CEP290: variants seen among roughly 807,000 people sequenced by gnomAD.
The protein encoded by CEP290 is centrosomal protein 290.
In CEP290, 317 loss-of-function variants were observed where a neutral mutation model predicts 344.9. The observed-to-expected ratio is 0.92, with a 90% CI of 0.84 to 1.01. CEP290 has a LOEUF of 1.01. Among genes scored for constraint, CEP290 ranks in the 50% least tolerant of loss-of-function variants. The pLI is 0.00. For missense variants in CEP290, 2,754 were observed against 2,761.4 expected, an observed-to-expected ratio of 1.00 and a Z score of 0.06; for synonymous variants, 932 against 895.8, an observed-to-expected ratio of 1.04 and a Z score of -0.72.
At chr12:88,061,864 C>T (rs1219313697) in intron 46 of CEP290, among the ~76,000 whole-genome samples, 4 of 151,896 alleles carry the variant, frequency 2.6e-5, no homozygotes, top group African/African-American at 9.7e-5. Flanking sequence ...CTGTAACCTC[C>T]GCCTGCCAGG....
intron 41 of CEP290, 134 bp downstream of exon 41, chr12:88,077,088 G>A (rs1057139414): frequency 3.7e-5 from 30 of 804,974 alleles, no homozygotes; most frequent in Non-Finnish European, 5.5e-5. Flanking sequence ...ACTGCTTATA[G>A]TCCTCAAAAT....
In CEP290 at chr12:88,135,499, CTA is replaced by C. The variant is rs553797546; in HGVS notation, c.441+1142_441+1143del. Among the ~76,000 whole-genome samples the C allele has an allele frequency of 6.5e-3, 985 of 152,240 alleles. 7 individuals carry two copies. The highest frequency in any genetic ancestry group is 8.6e-3 in the Non-Finnish European group (585 of 67,976). On this transcript the variant is annotated intron_variant, in intron 6 of 53. Coordinates refer to ENST00000552810, the MANE Select transcript of CEP290 (RefSeq NM_025114.4). ...GACTATTAAAAAATCCACATGTCTG[CTA>C]TGTTTTGCAGTTAGCTAAACAGATA...
chr12:88,065,936 C>T (rs2034889792), intron 44 of CEP290, among the ~76,000 whole-genome samples: 1 of 152,132 alleles, frequency 6.6e-6, no homozygotes, highest in Non-Finnish European at 1.5e-5. Context: ...ACGAGACTTC[C>T]AAACTCTTAC....
intron 34 of CEP290, among the ~76,000 whole-genome samples, chr12:88,085,456 A>G (rs1318079578): frequency 1.3e-5 from 2 of 152,100 alleles, no homozygotes; most frequent in Non-Finnish European, 1.5e-5. Context: ...ATGATTAAAA[A>G]TGTACAGTTT....
intron 11 of CEP290, among the ~76,000 whole-genome samples, chr12:88,126,876 T>C (rs550549329): frequency 1.3e-5 from 2 of 152,044 alleles, no homozygotes; most frequent in African/African-American, 4.8e-5. Flanking sequence ...AAAAGGTTTA[T>C]CCTAAATCAA....
intron 11 of CEP290, among the ~76,000 whole-genome samples, 169 bp from the exon 12 acceptor site, chr12:88,126,607 A>G (rs1240449846): frequency 6.6e-6 from 1 of 152,126 alleles, no homozygotes; most frequent in Non-Finnish European, 1.5e-5. Context: ...CCTTTTGTAT[A>G]TACAACCTGA....
At chr12:88,079,573 A>T (rs2036038470) in intron 38 of CEP290, among the ~76,000 whole-genome samples, 1 of 152,186 alleles carries the variant, frequency 6.6e-6, no homozygotes, top group Non-Finnish European at 1.5e-5. Context: ...CTTCCATATG[A>T]AATTAATTGA....
intron 34 of CEP290, among the ~76,000 whole-genome samples, chr12:88,085,344 C>G (rs1565837414): frequency 6.6e-6 from 1 of 151,912 alleles, no homozygotes; most frequent in Non-Finnish European, 1.5e-5. Flanking sequence ...AATTTTTACT[C>G]TTCAAGAGGA....
intron 17 of CEP290, among the ~76,000 whole-genome samples, chr12:88,118,008 C>T (rs1460971645): frequency 1.3e-5 from 2 of 151,766 alleles, no homozygotes; most frequent in African/African-American, 4.8e-5. Context: ...GCACTCCAGC[C>T]TGGGCAATAG....
rs753059143 is a variant in CEP290 at position 88,086,118 on chromosome 12, A to G, written c.4358T>C (p.Leu1453Pro). The G allele has an allele frequency of 4.3e-6, 7 of 1,613,172 alleles. No individual in the cohort carries two copies. The Admixed American group carries it at 5.0e-5, about 12-fold the overall frequency. ...CTTAATTTTCCTTAGAGCGATCTCA[A>G]GTTGATTTGGAAGGGGCAAACTAGG... The part of the protein sequence containing the change: ...PDPSLPLPNQ[L>P]EIALRKIKEN... Residue 1453 changes from leucine (L) to proline (P), a missense_variant, in exon 34 of 54, where the codon CTT (leucine) becomes CCT (proline). Coordinates refer to ENST00000552810, the MANE Select transcript of CEP290 (RefSeq NM_025114.4).
intron 30 of CEP290, 25 bp downstream of exon 30, chr12:88,090,703 G>T: frequency 1.5e-6 from 2 of 1,340,140 alleles, no homozygotes; most frequent in Non-Finnish European, 2.1e-6. Flanking sequence ...TGGATTCTAT[G>T]TAGAAGAGCC....
chr12:88,064,785 G>A (rs2034773894), intron 44 of CEP290, among the ~76,000 whole-genome samples: 1 of 152,030 alleles, frequency 6.6e-6, no homozygotes, highest in South Asian at 2.1e-4. Flanking sequence ...CTTGATTTTG[G>A]ACTTCTAGGT....
chr12:88,096,749 T>C, intron 27 of CEP290, 139 bp downstream of exon 27: 1 of 541,584 alleles, frequency 1.8e-6, no homozygotes, highest in Non-Finnish European at 3.2e-6. Flanking sequence ...TCTGCCTAAG[T>C]TAAATTATTA....
intron 51 of CEP290, 149 bp downstream of exon 51, chr12:88,054,191 T>TAG (rs2033808704): frequency 1.7e-6 from 1 of 587,960 alleles, no homozygotes; most frequent in African/African-American, 1.9e-5. Context: ...TGATTAGCAT[T>TAG]AGAGGGAAGA....
Position 88,071,293 on chromosome 12 carries a change from C to T in CEP290, c.6011+1G>A. 1.9e-6 allele frequency: 3 copies of T among 1,598,948 alleles called. No homozygotes were observed. Among genetic ancestry groups the T allele is most frequent in the Non-Finnish European group, 2.6e-6 (3 of 1,170,164 alleles). On this transcript the variant is annotated splice_donor_variant, in intron 43 of 53. Coordinates refer to ENST00000552810, the MANE Select transcript of CEP290 (RefSeq NM_025114.4). LOFTEE classifies it high-confidence loss of function. ...TGGCACATTTCCACATAATAGCTTACCTCATATACAATATATCATTTTCTA... is the reference window on the plus strand; with the variant it reads ...TGGCACATTTCCACATAATAGCTTATCTCATATACAATATATCATTTTCTA...
Position 88,058,855 on chromosome 12 carries a change from C to G in CEP290, c.6811G>C (p.Val2271Leu), listed in dbSNP as rs770038302. Residue 2271 changes from valine to leucine, a missense_variant, in exon 49 of 54, where the codon GTT (valine) becomes CTT (leucine). Val to Leu is a conservative substitution (Grantham distance 32). Transcript: ENST00000552810. ...ADSKSWKSIV[V>L]TRMYETKLKE... Reference sequence around the variant, plus strand: ...TTAAAACTCTGTTCCTACCTTGTAACCACAATGGATTTCCAGCTCTTACTG... The same window carrying G: ...TTAAAACTCTGTTCCTACCTTGTAAGCACAATGGATTTCCAGCTCTTACTG... 1 of 1,613,518 alleles carries G rather than the reference C, an allele frequency of 6.2e-7. No individual in the cohort carries two copies. The highest frequency in any genetic ancestry group is 8.5e-7 in the Non-Finnish European group (1 of 1,179,846).
At chr12:88,124,569 T>C (rs74684367) in intron 13 of CEP290, among the ~76,000 whole-genome samples, 5,732 of 152,010 alleles carry the variant, frequency 0.038, 173 homozygotes, top group African/African-American at 0.084. Flanking sequence ...ATGACATGTA[T>C]ATATATGTGT....
At chr12:88,132,339 G>A (rs1261379199) in intron 6 of CEP290, among the ~76,000 whole-genome samples, 1 of 152,050 alleles carries the variant, frequency 6.6e-6, no homozygotes, top group Admixed American at 6.6e-5. Context: ...CTATAATAAA[G>A]AACCAAATGT....
rs1434641744 is a variant in CEP290, at chr12:88,106,776, A to G, written c.2716T>C (p.Leu906=). The G allele has an allele frequency of 1.9e-6, 3 of 1,610,542 alleles. No individual in the cohort carries two copies. In the South Asian group the frequency reaches 3.3e-5, roughly 18 times the overall value. Residue 906 remains leucine (L), a synonymous_variant, in exon 25 of 54, where the codon TTG becomes CTG. Coordinates refer to ENST00000552810, the MANE Select transcript of CEP290 (RefSeq NM_025114.4). The part of the protein sequence containing the change: ...LIRQYTTLVE[L]ERQLRKENEK... ...TTTTCTTTTCTAAGTTGTCGCTCCAATTCTACTAAGGTTGTATATTGCCTT... is the reference window on the plus strand; with the variant it reads ...TTTTCTTTTCTAAGTTGTCGCTCCAGTTCTACTAAGGTTGTATATTGCCTT...
Sources: gnomAD v4.1 joint callset for allele counts (sites outside exome capture counted in the v4.1 genomes callset) on GRCh38, gnomAD v4.1.1 for gene constraint, MANE v1.5 for transcripts, NCBI Gene and HGNC (gene_info 2026-07-23, HGNC 2026-07-21) for gene names.